Variants in NPAS3 observed in about 807,000 individuals in gnomAD.
NPAS3 encodes neuronal PAS domain-containing protein 3.
A neutral mutation model predicts 73.1 loss-of-function variants in NPAS3; 14 were observed. The observed-to-expected ratio is 0.19, with a 90% CI of 0.13 to 0.30. The LOEUF is 0.30. Among genes scored for constraint, NPAS3 ranks in the 10% least tolerant of loss-of-function variants. The pLI is 1.00. For synonymous variants in NPAS3, 620 were observed against 541.5 expected, an observed-to-expected ratio of 1.14 and a Z score of -2.01; for missense variants, 1,096 against 1,250.0, an observed-to-expected ratio of 0.88 and a Z score of 1.86.
At chr14:33,667,096 T>G (rs2059472667) in intron 5 of NPAS3, among the ~76,000 whole-genome samples, 1 of 152,254 alleles carries the variant, frequency 6.6e-6, no homozygotes, top group Non-Finnish European at 1.5e-5. Context: ...TATTTTAACA[T>G]GCAATCAGTA....
intron 6 of NPAS3, among the ~76,000 whole-genome samples, chr14:33,732,954 T>C (rs1449834968): frequency 1.3e-5 from 2 of 152,188 alleles, no homozygotes; most frequent in Non-Finnish European, 2.9e-5. Context: ...GTTCTCCATA[T>C]AGAAAACAAT....
intron 2 of NPAS3, among the ~76,000 whole-genome samples, chr14:33,079,875 G>C (rs2041809878): frequency 6.6e-6 from 1 of 151,704 alleles, no homozygotes; most frequent in South Asian, 2.1e-4. Flanking sequence ...GCCTCCCCAA[G>C]GTGCTGGGAT....
exon 8 of NPAS3, chr14:33,774,384 C>A (rs200259869): frequency 2.5e-6 from 4 of 1,614,048 alleles, no homozygotes; most frequent in Admixed American, 3.3e-5. Flanking sequence ...CGCTGTCCCA[C>A]GGGAGGACCG....
At chr14:33,334,711 C>T (rs1387123695) in intron 3 of NPAS3, among the ~76,000 whole-genome samples, 2 of 151,834 alleles carry the variant, frequency 1.3e-5, no homozygotes, top group Non-Finnish European at 2.9e-5. Context: ...TTTTTTATTT[C>T]AGTAGAATTT....
intron 2 of NPAS3, among the ~76,000 whole-genome samples, chr14:33,167,771 A>G (rs1484236730): frequency 1.3e-5 from 2 of 152,204 alleles, no homozygotes; most frequent in African/African-American, 2.4e-5. Context: ...TAACTGTTAC[A>G]TTGGGAGGAA....
chr14:33,590,258 A>G (rs1363989330), intron 5 of NPAS3, among the ~76,000 whole-genome samples: 3 of 152,188 alleles, frequency 2.0e-5, no homozygotes, highest in Non-Finnish European at 4.4e-5. Flanking sequence ...TTTCACAATA[A>G]TGAAGACCTC....
intron 6 of NPAS3, among the ~76,000 whole-genome samples, chr14:33,731,653 G>A (rs2061405793): frequency 6.6e-6 from 1 of 152,072 alleles, no homozygotes; most frequent in South Asian, 2.1e-4. Context: ...CACACCACCA[G>A]CTAGGGAATC....
intron 4 of NPAS3, among the ~76,000 whole-genome samples, chr14:33,476,291 G>C (rs1311633880): frequency 6.6e-6 from 1 of 152,170 alleles, no homozygotes; most frequent in Non-Finnish European, 1.5e-5. Flanking sequence ...TTACTTTATA[G>C]TGACTTGCTT....
chr14:33,365,003 T>TG (rs2045773660), intron 3 of NPAS3, among the ~76,000 whole-genome samples: 1 of 140,156 alleles, frequency 7.1e-6, no homozygotes, highest in Non-Finnish European at 1.6e-5. Context: ...TTTCTTTTTT[T>TG]GGGGGAGGGG....
chr14:32,972,271 T>C (rs1328144223), intron 1 of NPAS3, among the ~76,000 whole-genome samples: 1 of 152,146 alleles, frequency 6.6e-6, no homozygotes, highest in Non-Finnish European at 1.5e-5. Flanking sequence ...TGAGTTATCC[T>C]GTGTAGTAAA....
At chr14:33,550,249 G>A (rs564858337) in intron 4 of NPAS3, among the ~76,000 whole-genome samples, 1 of 152,080 alleles carries the variant, frequency 6.6e-6, no homozygotes, top group Non-Finnish European at 1.5e-5. Context: ...GAACTCCTGG[G>A]CTCACACGAT....
At chr14:33,776,225 T>A (rs2062810409) in intron 8 of NPAS3, among the ~76,000 whole-genome samples, 1 of 152,052 alleles carries the variant, frequency 6.6e-6, no homozygotes, top group South Asian at 2.1e-4. Flanking sequence ...GAGAAGGAGA[T>A]CCAACCAGGG....
At chr14:33,067,836 C>G (rs891688490) in intron 2 of NPAS3, among the ~76,000 whole-genome samples, 1 of 152,218 alleles carries the variant, frequency 6.6e-6, no homozygotes, top group African/African-American at 2.4e-5. Context: ...CCTCTCCTAC[C>G]TTGCACTTCT....
At chr14:33,190,827 T>G (rs1377330916) in intron 2 of NPAS3, among the ~76,000 whole-genome samples, 1 of 152,182 alleles carries the variant, frequency 6.6e-6, no homozygotes, top group Non-Finnish European at 1.5e-5. Context: ...ATAAAGCCTT[T>G]TCTTAGTCGA....
intron 1 of NPAS3, among the ~76,000 whole-genome samples, chr14:32,939,937 G>A (rs570060736): frequency 1.3e-5 from 2 of 152,134 alleles, no homozygotes; most frequent in Non-Finnish European, 2.9e-5. Flanking sequence ...CAGCTAGGCC[G>A]GGCCGAGCCC....
chr14:32,998,238 A>C (rs934888869), intron 1 of NPAS3, among the ~76,000 whole-genome samples: 2 of 152,232 alleles, frequency 1.3e-5, no homozygotes, highest in Non-Finnish European at 2.9e-5. Context: ...AGTGTGGATG[A>C]ACCTCGAAAC....
chr14:33,335,257 C>T (rs569304262), intron 3 of NPAS3, among the ~76,000 whole-genome samples: 1 of 152,076 alleles, frequency 6.6e-6, no homozygotes, highest in East Asian at 1.9e-4. Context: ...GTAGATTTAC[C>T]ATTTGATCCA....
At chr14:33,077,591 G>A (rs2041702936) in intron 2 of NPAS3, among the ~76,000 whole-genome samples, 1 of 151,954 alleles carries the variant, frequency 6.6e-6, no homozygotes, top group African/African-American at 2.4e-5. Context: ...TTTGTTTTTT[G>A]TAAATGTTTG....
chr14:33,626,382 A>G (rs903206056), intron 5 of NPAS3, among the ~76,000 whole-genome samples: 18 of 152,216 alleles, frequency 1.2e-4, no homozygotes, highest in African/African-American at 3.6e-4. Flanking sequence ...TGTTGAATAT[A>G]TATGAAATTC....
Sources: gnomAD v4.1 joint callset for allele counts (sites outside exome capture counted in the v4.1 genomes callset) on GRCh38, gnomAD v4.1.1 for gene constraint, MANE v1.5 for transcripts, NCBI Gene and HGNC (gene_info 2026-07-23, HGNC 2026-07-21) for gene names.